The following ZDHHC1 variants were observed in gnomAD, a reference collection of about 807,000 sequenced individuals.
The protein encoded by ZDHHC1 is palmitoyltransferase ZDHHC1.
ZDHHC1 carries 45 observed loss-of-function variants against 46.9 expected under a neutral mutation model. That is an observed-to-expected ratio of 0.96 (90% CI 0.76 to 1.23). ZDHHC1 has a LOEUF of 1.23. Among genes scored for constraint, ZDHHC1 ranks in the 50% most tolerant of loss-of-function variants. The probability of loss-of-function intolerance (pLI) is 0.00; values close to 1 mark genes in which losing one functional copy is unlikely to be tolerated. For synonymous variants in ZDHHC1, 291 were observed against 286.0 expected, an observed-to-expected ratio of 1.02 and a Z score of -0.18; for missense variants, 649 against 670.8, an observed-to-expected ratio of 0.97 and a Z score of 0.36.
chr16:67,401,239 A>T lies in ZDHHC1; in HGVS notation c.253-107T>A. 4 of 1,453,902 alleles carry T rather than the reference A, an allele frequency of 2.8e-6. No homozygotes were observed. Among genetic ancestry groups the T allele is most frequent in the Non-Finnish European group, 3.7e-6 (4 of 1,086,978 alleles). 90.1% of individuals were successfully genotyped at this position (1,453,902 alleles called of 1,614,324 possible). A position where few individuals can be genotyped will look rare whatever the true frequency, so the allele number is the denominator to read the frequency against. On this transcript the variant is annotated intron_variant, in intron 3 of 11. Transcript: ENST00000565726. This position sits in a 1 kb window ranked among gnomAD's most constrained non-coding sequence, Gnocchi z 4.6. ...TGCCATGCCAGCCCGCTTTGTGCAG[A>T]TTCTCTGCCTCTGCCACCTCCTACC...
intron 1 of ZDHHC1, among the ~76,000 whole-genome samples, chr16:67,408,407 T>C (rs899289601): frequency 2.0e-5 from 3 of 150,260 alleles, no homozygotes; most frequent in Non-Finnish European, 4.4e-5. Context: ...GACTCCAGAC[T>C]CAAGAGATCC....
rs758122131 is a variant in ZDHHC1 at position 67,394,831 on chromosome 16, G to A, written c.1228C>T (p.His410Tyr). 49 of 1,549,652 alleles carry A rather than the reference G, an allele frequency of 3.2e-5. No homozygotes were observed. Among genetic ancestry groups the A allele is most frequent in the Non-Finnish European group, 4.1e-5 (47 of 1,152,318 alleles). The change falls in exon 12 of 12, where the codon CAC becomes TAC. Residue 410 changes from histidine (H) to tyrosine (Y), a missense_variant. By Grantham distance (83) the His-to-Tyr change is moderately conservative. Transcript: ENST00000565726. ...TAGGCGCCGGCAGGGCCAGCGGCGT[G>A]CACAGGGCTGGCGTCCGCGGAATCC... Reference protein sequence around the residue: ...STDSADASPVHAAGPAGAYHS... With the variant: ...STDSADASPVYAAGPAGAYHS...
At chr16:67,399,279 T>TG in intron 5 of ZDHHC1, 76 bp downstream of exon 5, 1 of 1,342,912 alleles carries the variant, frequency 7.4e-7, no homozygotes, top group Non-Finnish European at 1.0e-6. Context: ...CCGCCTGCCA[T>TG]GCGAGCTGCA....
At chr16:67,404,203 T>C (rs1265313917) in intron 3 of ZDHHC1, 1 of 15,798 alleles carries the variant, frequency 6.3e-5, no homozygotes, top group African/African-American at 2.6e-4. Context: ...CAAGAGCATG[T>C]GGGGAGAGGT....
Position 67,395,226 on chromosome 16 carries a change from G to T in ZDHHC1, c.1065C>A (p.Ser355=). The stretch of plus-strand genomic sequence containing the variant: ...GGGGAGGCAGGGCGAGAGTGTCTGG[G>T]GAAGAGGGTGGTGGAGGTTCCGCTT... ...RGQAEPPPPS[S]PDTLALPPRI... is the part of the protein sequence containing the mutation. The change falls in exon 10 of 12, where the codon TCC becomes TCA. Residue 355 remains serine (S), a synonymous_variant. Coordinates refer to ENST00000565726, the MANE Select transcript of ZDHHC1 (RefSeq NM_001323627.2). The T allele has an allele frequency of 6.2e-7, 1 of 1,606,776 alleles. No individual in the cohort carries two copies. The highest frequency in any genetic ancestry group is 8.5e-7 in the Non-Finnish European group (1 of 1,177,106).
chr16:67,409,919 G>A (rs2040723501), intron 1 of ZDHHC1, among the ~76,000 whole-genome samples: 1 of 146,874 alleles, frequency 6.8e-6, no homozygotes. Context: ...TGGGTGAATG[G>A]GCATTTTGGC....
chr16:67,406,465 G>A lies in ZDHHC1; in HGVS notation c.10-23C>T, dbSNP rs2142251282. 2.7e-6 allele frequency: 4 copies of A among 1,487,678 alleles called. No individual in the cohort carries two copies. The highest frequency in any genetic ancestry group is 2.4e-5 in the East Asian group (1 of 41,546). The allele number at this position is 1,487,678 out of a possible 1,614,324, so 92.2% of individuals were successfully genotyped here. The stretch of plus-strand genomic sequence containing the variant: ...CATCTCCAGAGGGAGAAACAGTAGA[G>A]AGAGCATTAGCCCAAGAAGCTGGGC... On this transcript the variant is annotated intron_variant, in intron 2 of 11. Coordinates refer to ENST00000565726, the MANE Select transcript of ZDHHC1 (RefSeq NM_001323627.2). This position sits in a 1 kb window ranked among gnomAD's most constrained non-coding sequence, Gnocchi z 4.1.
chr16:67,396,278 C>T (rs1400137218), intron 8 of ZDHHC1: 1 of 152,186 alleles, frequency 6.6e-6, no homozygotes, highest in Non-Finnish European at 1.5e-5. Context: ...GCAGGACTCG[C>T]CCCAGCTTTG....
chr16:67,394,400 T>G lies in ZDHHC1; in HGVS notation c.*210A>C. ...CTGGATGGCCCGTGGCCCCTGCCAT[T>G]AAGAAAGTAAGCGCGACGTCCGCAA... On this transcript the variant is annotated 3_prime_UTR_variant, in exon 12 of 12. Transcript: ENST00000565726. The G allele has an allele frequency of 1.1e-5, 3 of 269,388 alleles. No homozygotes were observed. The highest frequency in any genetic ancestry group is 1.2e-5 in the Non-Finnish European group (2 of 164,556). The allele number at this position is 269,388 out of a possible 1,614,324, so 16.7% of individuals were successfully genotyped here.
chr16:67,407,974 G>A (rs1054658375), intron 1 of ZDHHC1, among the ~76,000 whole-genome samples, 161 bp from the exon 2 acceptor site: 2 of 152,130 alleles, frequency 1.3e-5, no homozygotes, highest in Admixed American at 1.3e-4. Context: ...TCTGCCGGCT[G>A]GCTACCACCC....
In ZDHHC1 at chr16:67,401,279, GCCT is replaced by G. The variant is rs1257321931; in HGVS notation, c.253-150_253-148del. 2 of 1,151,192 alleles carry G rather than the reference GCCT, an allele frequency of 1.7e-6. No homozygotes were observed. Among genetic ancestry groups the G allele is most frequent in the African/African-American group, 1.6e-5 (1 of 64,414 alleles). 71.3% of individuals were successfully genotyped at this position (1,151,192 alleles called of 1,614,324 possible). On this transcript the variant is annotated intron_variant, in intron 3 of 11. Transcript: ENST00000565726. This position sits in a 1 kb window ranked among gnomAD's most constrained non-coding sequence, Gnocchi z 4.6. The stretch of plus-strand genomic sequence containing the variant: ...CACCTCCTACCTCCAGTCCCCCAAA[GCCT>G]CCTCATCAGACCTCTCCAGGTAACC...
At chr16:67,405,838 G>A (rs1597544558) in intron 3 of ZDHHC1, among the ~76,000 whole-genome samples, 1 of 152,180 alleles carries the variant, frequency 6.6e-6, no homozygotes, top group Non-Finnish European at 1.5e-5. Context: ...TTCGATAGAT[G>A]GACTAATTAC....
chr16:67,414,828 A>G (rs2040806708), intron 1 of ZDHHC1, among the ~76,000 whole-genome samples: 1 of 152,266 alleles, frequency 6.6e-6, no homozygotes, highest in Non-Finnish European at 1.5e-5. Flanking sequence ...GTCTGTCACA[A>G]CCATGCTGCT....
chr16:67,406,559 C>G lies in ZDHHC1; in HGVS notation c.10-117G>C. 2.4e-6 allele frequency: 3 copies of G among 1,259,808 alleles called. No homozygotes were observed. The highest frequency in any genetic ancestry group is 3.2e-6 in the Non-Finnish European group (3 of 943,572). 78.0% of individuals were successfully genotyped at this position (1,259,808 alleles called of 1,614,324 possible). A position where few individuals can be genotyped will look rare whatever the true frequency, so the allele number is the denominator to read the frequency against. On this transcript the variant is annotated intron_variant, in intron 2 of 11. Coordinates refer to ENST00000565726, the MANE Select transcript of ZDHHC1 (RefSeq NM_001323627.2). The surrounding 1 kb of genome is among the most constrained non-coding windows in gnomAD (Gnocchi z 4.1). ...GGAGTAGGCTGCGACAGCTACTCTG[C>G]TGGGGAAACTGGGGTCCTAGCACAA...
chr16:67,411,690 A>G lies in ZDHHC1; in HGVS notation c.-38-3877T>C, dbSNP rs759284544. Among the ~76,000 whole-genome samples the G allele has an allele frequency of 1.4e-3, 214 of 152,360 alleles. 1 individual carries two copies. The highest frequency in any genetic ancestry group is 2.1e-3 in the Non-Finnish European group (146 of 68,036). ...CAAATAAACTATGGCACATCCATAC[A>G]ATAAAATGCTAGGCAGCATCAAAAG... On this transcript the variant is annotated intron_variant, in intron 1 of 11. Coordinates refer to ENST00000565726, the MANE Select transcript of ZDHHC1 (RefSeq NM_001323627.2).
rs1233501914 is a variant in ZDHHC1, at chr16:67,394,901, A to G, written c.1166-8T>C. 1 of 1,565,248 alleles carries G rather than the reference A, an allele frequency of 6.4e-7. No homozygotes were observed. The highest frequency in any genetic ancestry group is 1.9e-5 in the Admixed American group (1 of 53,956). ...GGCTGGGGGCCCTAGGCCCTGCGCA[A>G]GGGAAGGGAACATGAGCCCAGTGGC... is the stretch of plus-strand genomic sequence containing the variant. On this transcript the variant is annotated splice_region_variant and splice_polypyrimidine_tract_variant and intron_variant, in intron 11 of 11. Coordinates refer to ENST00000565726, the MANE Select transcript of ZDHHC1 (RefSeq NM_001323627.2).
intron 8 of ZDHHC1, among the ~76,000 whole-genome samples, chr16:67,396,494 G>T (rs577000252): frequency 6.6e-5 from 10 of 152,232 alleles, no homozygotes; most frequent in African/African-American, 2.2e-4. Context: ...TAACAGCAAG[G>T]CCGTCTCTAA....
intron 8 of ZDHHC1, chr16:67,395,970 A>ACCAGCTCCCGC (rs1459058024): frequency 5.1e-6 from 1 of 196,768 alleles, no homozygotes; most frequent in African/African-American, 2.3e-5. Flanking sequence ...GTGTGCATCC[A>ACCAGCTCCCGC]CCAGCTCCCG....
In ZDHHC1 at chr16:67,414,855, G is replaced by A. The variant is rs938342359; in HGVS notation, c.-39+1316C>T. Reference sequence around the variant, plus strand: ...CATGCTGCTCAGCAGCCAGAGTGAAGTGAGCTTTTCAAACGTGAAACTCAT... The same window carrying A: ...CATGCTGCTCAGCAGCCAGAGTGAAATGAGCTTTTCAAACGTGAAACTCAT... On this transcript the variant is annotated intron_variant, in intron 1 of 11. Transcript: ENST00000565726. 1.3e-4 allele frequency among the ~76,000 whole-genome samples: 20 copies of A among 152,264 alleles called. 1 individual carries two copies. Among genetic ancestry groups the A allele is most frequent in the Admixed American group, 1.2e-3 (19 of 15,290 alleles).
Sources: allele counts gnomAD v4.1 joint callset (sites outside exome capture counted in the v4.1 genomes callset), GRCh38; gene constraint gnomAD v4.1.1; non-coding constraint Gnocchi (gnomAD v3.1); transcripts MANE v1.5; gene names NCBI Gene and HGNC (gene_info 2026-07-23, HGNC 2026-07-21).